Variants in LMX1A observed in about 807,000 individuals in gnomAD.
LMX1A encodes the protein LIM homeobox transcription factor 1-alpha.
A neutral mutation model predicts 49.1 loss-of-function variants in LMX1A; 15 were observed. The observed-to-expected ratio is 0.31, with a 90% CI of 0.20 to 0.47. The LOEUF (loss-of-function observed/expected upper bound fraction) is 0.47, where lower values mean the gene tolerates loss of function less well. Ranked by LOEUF, LMX1A falls within the 20% of genes least tolerant of loss-of-function variation. The pLI is 1.00. For synonymous variants in LMX1A, 167 were observed against 185.7 expected, an observed-to-expected ratio of 0.90 and a Z score of 0.82; for missense variants, 372 against 475.8, an observed-to-expected ratio of 0.78 and a Z score of 2.03.
At chr1:165,319,184 A>T (rs1655310362) in intron 3 of LMX1A, among the ~76,000 whole-genome samples, 1 of 152,188 alleles carries the variant, frequency 6.6e-6, no homozygotes, top group Non-Finnish European at 1.5e-5. Flanking sequence ...AATGCTCCAT[A>T]TTACCTCTAC....
intron 4 of LMX1A, among the ~76,000 whole-genome samples, chr1:165,229,708 C>A (rs17412154): frequency 0.17 from 25,412 of 150,932 alleles, 2,340 homozygotes; most frequent in African/African-American, 0.24. Flanking sequence ...GGTTCTCAAT[C>A]AGGAGGGTTT....
intron 3 of LMX1A, among the ~76,000 whole-genome samples, chr1:165,265,240 C>A (rs979660027): frequency 6.6e-6 from 1 of 151,848 alleles, no homozygotes; most frequent in Non-Finnish European, 1.5e-5. Flanking sequence ...AAAGGAGCCC[C>A]AGGGGTCCAC....
intron 3 of LMX1A, among the ~76,000 whole-genome samples, chr1:165,305,468 G>A (rs1654894778): frequency 6.6e-6 from 1 of 152,160 alleles, no homozygotes; most frequent in South Asian, 2.1e-4. Flanking sequence ...AAGTATGAAA[G>A]GACCCAGTAG....
intron 5 of LMX1A, among the ~76,000 whole-genome samples, chr1:165,211,622 C>T (rs182523094): frequency 8.3e-4 from 127 of 152,252 alleles, no homozygotes; most frequent in African/African-American, 2.9e-3. Context: ...GAAATACTTC[C>T]CCTTTATCAT....
chr1:165,232,019 C>T (rs1652257498), intron 4 of LMX1A, among the ~76,000 whole-genome samples: 1 of 152,136 alleles, frequency 6.6e-6, no homozygotes, highest in East Asian at 1.9e-4. Flanking sequence ...AAGAGAAAAC[C>T]CTCTTTCTGC....
intron 3 of LMX1A, among the ~76,000 whole-genome samples, chr1:165,315,512 A>G (rs931883): frequency 0.87 from 132,946 of 152,300 alleles, 58,312 homozygotes; most frequent in Middle Eastern, 0.95. Context: ...AAGAAGGTTA[A>G]AATAAATTAC....
chr1:165,222,335 G>A (rs1345052849), intron 4 of LMX1A, among the ~76,000 whole-genome samples: 1 of 152,150 alleles, frequency 6.6e-6, no homozygotes, highest in Non-Finnish European at 1.5e-5. Flanking sequence ...GGTTCACTAG[G>A]CTTGGAGTAT....
At chr1:165,298,669 A>C (rs897325237) in intron 3 of LMX1A, among the ~76,000 whole-genome samples, 1 of 152,202 alleles carries the variant, frequency 6.6e-6, no homozygotes, top group African/African-American at 2.4e-5. Context: ...TCTGTTATGA[A>C]CCCACATAAG....
chr1:165,294,472 T>C (rs925219177), intron 3 of LMX1A, among the ~76,000 whole-genome samples: 3 of 152,240 alleles, frequency 2.0e-5, no homozygotes, highest in Non-Finnish European at 2.9e-5. Flanking sequence ...GATGGTAGTA[T>C]AAACCACCAC....
At chr1:165,287,703 T>G (rs759528296) in intron 3 of LMX1A, among the ~76,000 whole-genome samples, 1 of 152,132 alleles carries the variant, frequency 6.6e-6, no homozygotes, top group Non-Finnish European at 1.5e-5. Flanking sequence ...CTCAACAAAT[T>G]TATTTTAAAA....
intron 3 of LMX1A, among the ~76,000 whole-genome samples, chr1:165,351,871 GT>G (rs1413064918): frequency 6.6e-6 from 1 of 152,222 alleles, no homozygotes; most frequent in Non-Finnish European, 1.5e-5. Context: ...CTCTCACTGT[GT>G]TTTTATATAA....
intron 3 of LMX1A, among the ~76,000 whole-genome samples, chr1:165,303,682 G>C (rs994821757): frequency 1.3e-5 from 2 of 152,164 alleles, no homozygotes; most frequent in African/African-American, 4.8e-5. Context: ...CGCAAAGCAT[G>C]ATGGGAAGTA....
chr1:165,352,091 A>C (rs1656445671), intron 3 of LMX1A, among the ~76,000 whole-genome samples: 1 of 152,210 alleles, frequency 6.6e-6, no homozygotes, highest in Non-Finnish European at 1.5e-5. Flanking sequence ...TGCAAAGCCA[A>C]TACACTTATT....
intron 4 of LMX1A, among the ~76,000 whole-genome samples, chr1:165,237,460 G>A (rs1571168842): frequency 6.6e-6 from 1 of 151,948 alleles, no homozygotes; most frequent in African/African-American, 2.4e-5. Flanking sequence ...CTCGTGATCC[G>A]CCCGCCTCGG....
At chr1:165,235,621 CGGCGGCGCGG>C (rs922103664) in intron 4 of LMX1A, among the ~76,000 whole-genome samples, 5 of 152,054 alleles carry the variant, frequency 3.3e-5, no homozygotes, top group Admixed American at 6.5e-5. Context: ...TGGGAACGCG[CGGCGGCGCGG>C]GGCGGCGCGG....
At chr1:165,262,479 G>A (rs901808405) in intron 3 of LMX1A, among the ~76,000 whole-genome samples, 4 of 152,086 alleles carry the variant, frequency 2.6e-5, no homozygotes, top group African/African-American at 4.8e-5. Flanking sequence ...CTCCCTCTTC[G>A]TGAGAAAAAT....
At chr1:165,266,922 G>T (rs142504128) in intron 3 of LMX1A, among the ~76,000 whole-genome samples, 1,836 of 148,032 alleles carry the variant, frequency 0.012, 46 homozygotes, top group African/African-American at 0.042. Context: ...TTGCTTGCTT[G>T]CTTTCTCTCT....
rs193103743 is a variant in LMX1A, at chr1:165,208,003, C to T, written c.817+60G>A. ...ATCCAAAGAGCTGGGTAGTGGGAGG[C>T]CTCTGGTAGGAACAGCCTGGATTCC... On this transcript the variant is annotated intron_variant, in intron 7 of 8. Coordinates refer to ENST00000342310, the MANE Select transcript of LMX1A (RefSeq NM_177398.4). The T allele has an allele frequency of 2.6e-4, 377 of 1,448,228 alleles. 1 individual carries two copies. In the African/African-American group the frequency reaches 4.3e-3, roughly 17 times the overall value. The allele number at this position is 1,448,228 out of a possible 1,614,324, so 89.7% of individuals were successfully genotyped here. A position where few individuals can be genotyped will look rare whatever the true frequency, so the allele number is the denominator to read the frequency against.
chr1:165,333,176 T>A (rs1323393657), intron 3 of LMX1A, among the ~76,000 whole-genome samples: 2 of 152,228 alleles, frequency 1.3e-5, no homozygotes, highest in Non-Finnish European at 2.9e-5. Flanking sequence ...TTTGTTTTGA[T>A]TTGTTTTGAG....
Sources: gnomAD v4.1 joint callset for allele counts (sites outside exome capture counted in the v4.1 genomes callset) on GRCh38, gnomAD v4.1.1 for gene constraint, MANE v1.5 for transcripts, NCBI Gene and HGNC (gene_info 2026-07-23, HGNC 2026-07-21) for gene names.